NRXN3: variants seen among roughly 807,000 people sequenced by gnomAD.
NRXN3 encodes the protein neurexin 3.
NRXN3 carries 32 observed loss-of-function variants against 137.6 expected under a neutral mutation model. That is an observed-to-expected ratio of 0.23 (90% CI 0.18 to 0.31). The LOEUF is 0.31. NRXN3 is among the 10% of genes least tolerant of loss of function. The pLI, the probability that NRXN3 is intolerant of heterozygous loss-of-function variation, is 1.00. For missense variants in NRXN3, 1,574 were observed against 2,062.5 expected (o/e 0.76, Z 4.59); for synonymous variants, 798 against 784.5 (o/e 1.02, Z -0.29).
Position 79,697,933 on chromosome 14 carries a change from T to G in NRXN3, c.4010T>G (p.Ile1337Ser), listed in dbSNP as rs758335044. The G allele has an allele frequency of 9.9e-6, 16 of 1,608,450 alleles. No individual in the cohort carries two copies. Among genetic ancestry groups the G allele is most frequent in the South Asian group, 5.5e-5 (5 of 90,978 alleles). The change falls in exon 19 of 21, where the codon ATT becomes AGT. Residue 1337 changes from isoleucine (I) to serine (S), a missense_variant. Around this residue, in one of 5 missense-constraint regions of NRXN3, gnomAD observed 320 missense variants for 387.1 expected, o/e 0.83. Coordinates refer to ENST00000335750, the MANE Select transcript of NRXN3 (RefSeq NM_001330195.2). ...CGTAAGAATCGCTCTACAGCCAGCA[T>G]TCAGGTAGGCCTTTTTCCAAGTATT... ...TTRKNRSTAS[I>S]QPTSDDLVSS...
At chr14:78,768,370 A>G (rs79581226) in intron 8 of NRXN3, among the ~76,000 whole-genome samples, 2,933 of 152,302 alleles carry the variant, frequency 0.019, 46 homozygotes, top group Middle Eastern at 0.054. Flanking sequence ...AACAAAATTC[A>G]TGCACATGAG....
At chr14:79,546,388 C>A (rs1022304154) in intron 16 of NRXN3, among the ~76,000 whole-genome samples, 1 of 152,128 alleles carries the variant, frequency 6.6e-6, no homozygotes, top group African/African-American at 2.4e-5. Flanking sequence ...CTAAAAGTTT[C>A]ATTTCAGATT....
chr14:79,462,861 A>ATGTATATGTATATGTACATAAACAT (rs1600667779), intron 15 of NRXN3, among the ~76,000 whole-genome samples: 1 of 140,778 alleles, frequency 7.1e-6, no homozygotes, highest in Admixed American at 6.9e-5. Flanking sequence ...ATACACAATG[A>ATGTATATGTATATGTACATAAACAT]ATGTATATGT....
chr14:78,565,173 A>G (rs2096825793), intron 4 of NRXN3, among the ~76,000 whole-genome samples: 1 of 152,244 alleles, frequency 6.6e-6, no homozygotes. Flanking sequence ...TATTAAGTAG[A>G]TAGATCAAGG....
At chr14:79,376,753 G>A (rs922683793) in intron 15 of NRXN3, among the ~76,000 whole-genome samples, 1 of 152,190 alleles carries the variant, frequency 6.6e-6, no homozygotes, top group African/African-American at 2.4e-5. Context: ...AAGGTGTGGT[G>A]TGTTTCCTAT....
intron 4 of NRXN3, among the ~76,000 whole-genome samples, chr14:78,491,151 G>C (rs2095658498): frequency 6.6e-6 from 1 of 152,172 alleles, no homozygotes; most frequent in Admixed American, 6.6e-5. Context: ...AGCTCTCCTG[G>C]AAACTGGTAG....
intron 4 of NRXN3, among the ~76,000 whole-genome samples, chr14:78,406,447 A>C (rs2092489606): frequency 6.6e-6 from 1 of 152,230 alleles, no homozygotes; most frequent in African/African-American, 2.4e-5. Flanking sequence ...GGGGGTAGAC[A>C]GGAGACAGTT....
chr14:79,542,571 G>A (rs1424846), intron 16 of NRXN3, among the ~76,000 whole-genome samples: 143,993 of 152,236 alleles, frequency 0.95, 68,145 homozygotes, highest in East Asian at 1. Context: ...ATTTTCTCCC[G>A]TCTCACTGTA....
At chr14:78,933,025 A>C (rs371725811) in intron 10 of NRXN3, among the ~76,000 whole-genome samples, 2 of 152,334 alleles carry the variant, frequency 1.3e-5, no homozygotes, top group South Asian at 2.1e-4. Flanking sequence ...GAAATTTGGC[A>C]TGAAACACTG....
chr14:78,996,754 G>A (rs527265019), intron 15 of NRXN3, among the ~76,000 whole-genome samples: 3 of 152,240 alleles, frequency 2.0e-5, no homozygotes, highest in South Asian at 4.1e-4. Context: ...ATAGCTCCAT[G>A]ATAACCAGGT....
chr14:79,423,453 C>T (rs1310032952), intron 15 of NRXN3, among the ~76,000 whole-genome samples: 1 of 152,204 alleles, frequency 6.6e-6, no homozygotes, highest in Non-Finnish European at 1.5e-5. Flanking sequence ...CTTAGTGATA[C>T]TGCATTCTCA....
intron 19 of NRXN3, among the ~76,000 whole-genome samples, chr14:79,777,326 G>A (rs945392497): frequency 2.6e-5 from 4 of 152,134 alleles, no homozygotes; most frequent in African/African-American, 9.7e-5. Context: ...AAAAAGGTTT[G>A]CTCCAAATCA....
chr14:79,431,189 A>G (rs137996768), intron 15 of NRXN3, among the ~76,000 whole-genome samples: 4 of 152,296 alleles, frequency 2.6e-5, no homozygotes, highest in East Asian at 1.9e-4. Context: ...TGAGATACCT[A>G]TCTAAGAATG....
At chr14:78,780,338 G>A (rs558402235) in intron 8 of NRXN3, among the ~76,000 whole-genome samples, 18 of 151,848 alleles carry the variant, frequency 1.2e-4, no homozygotes, top group South Asian at 6.3e-4. Context: ...TGTAAAATGC[G>A]AAACTTTAAA....
intron 10 of NRXN3, among the ~76,000 whole-genome samples, chr14:78,928,215 C>T (rs2099311546): frequency 6.6e-6 from 1 of 152,088 alleles, no homozygotes; most frequent in East Asian, 1.9e-4. Context: ...GTCTCAAGGT[C>T]TTGTTTTAGG....
intron 16 of NRXN3, among the ~76,000 whole-genome samples, chr14:79,485,752 T>C (rs2096650198): frequency 6.6e-6 from 1 of 152,170 alleles, no homozygotes; most frequent in South Asian, 2.1e-4. Context: ...ACTTAATCTA[T>C]TTTGTGACTC....
intron 8 of NRXN3, among the ~76,000 whole-genome samples, chr14:78,751,214 G>C (rs2098640185): frequency 6.6e-6 from 1 of 152,184 alleles, no homozygotes; most frequent in African/African-American, 2.4e-5. Flanking sequence ...ACAGGGAATT[G>C]AGAGGATGCT....
intron 10 of NRXN3, among the ~76,000 whole-genome samples, chr14:78,862,301 G>A (rs1167769638): frequency 6.6e-6 from 1 of 150,780 alleles, no homozygotes; most frequent in Non-Finnish European, 1.5e-5. Context: ...AAGCCCTAAA[G>A]TATGAATGAG....
chr14:78,868,050 A>G (rs974473036), intron 10 of NRXN3, among the ~76,000 whole-genome samples: 3 of 148,668 alleles, frequency 2.0e-5, no homozygotes, highest in African/African-American at 7.3e-5. Flanking sequence ...AATATAAAAT[A>G]TACTTAATTT....
Sources: allele counts gnomAD v4.1 joint callset (sites outside exome capture counted in the v4.1 genomes callset), GRCh38; gene constraint gnomAD v4.1.1; regional missense constraint gnomAD v4.1.1; transcripts MANE v1.5; gene names NCBI Gene and HGNC (gene_info 2026-07-23, HGNC 2026-07-21).